The following ZDHHC2 variants were observed in gnomAD, a reference collection of about 807,000 sequenced individuals.
The protein encoded by ZDHHC2 is palmitoyltransferase ZDHHC2.
In ZDHHC2, 51 loss-of-function variants were observed where a neutral mutation model predicts 55.6. The ratio of observed to expected loss-of-function variants is 0.92; its 90% CI spans 0.73 to 1.16. ZDHHC2 has a LOEUF of 1.16. Ranked by LOEUF, ZDHHC2 falls within the 50% of genes most tolerant of loss-of-function variation. ZDHHC2 has a pLI of 0.00. For synonymous variants in ZDHHC2, 199 were observed against 152.9 expected (o/e 1.30, Z -2.22); for missense variants, 491 against 442.4 (o/e 1.11, Z -0.99).
chr8:17,215,905 GA>G (rs1157361014), intron 11 of ZDHHC2, among the ~76,000 whole-genome samples: 1 of 152,152 alleles, frequency 6.6e-6, no homozygotes, highest in Non-Finnish European at 1.5e-5. Context: ...GCAAGGCTCC[GA>G]AGTCAGACCT....
chr8:17,210,130 G>A (rs1807303832), intron 9 of ZDHHC2, 72 bp downstream of exon 9: 5 of 1,494,322 alleles, frequency 3.3e-6, no homozygotes, highest in Non-Finnish European at 3.6e-6. Flanking sequence ...TTCAGGAAAA[G>A]CCTCTAGTTC....
chr8:17,203,809 CTTT>C (rs3041019), intron 6 of ZDHHC2, among the ~76,000 whole-genome samples: 66,129 of 129,920 alleles, frequency 0.51, 15,816 homozygotes, highest in Middle Eastern at 0.64. Context: ...TCTTTTTTTT[CTTT>C]TTTTTTTTTT....
intron 1 of ZDHHC2, among the ~76,000 whole-genome samples, chr8:17,179,573 T>TA (rs199891625): frequency 1.0e-4 from 15 of 148,348 alleles, no homozygotes; most frequent in Middle Eastern, 3.4e-3. Context: ...CACACCCAGC[T>TA]AAAAAAAAAA....
chr8:17,205,718 G>C lies in ZDHHC2; in HGVS notation c.540G>C (p.Leu180=). The C allele has an allele frequency of 6.2e-7, 1 of 1,610,278 alleles. No homozygotes were observed. ...KFFLLFLAYS[L]LYCLFIAATD... ...TTCTCCTTTTCTTGGCTTATTCTCT[G>C]CTCTACTGCCTTTTTATTGCGGCAA... The change falls in exon 7 of 13, where the codon CTG becomes CTC. Residue 180 remains leucine (L), a synonymous_variant. Coordinates refer to ENST00000262096, the MANE Select transcript of ZDHHC2 (RefSeq NM_016353.5).
At chr8:17,166,912 C>T (rs1344557141) in intron 1 of ZDHHC2, among the ~76,000 whole-genome samples, 3 of 152,042 alleles carry the variant, frequency 2.0e-5, no homozygotes, top group Non-Finnish European at 2.9e-5. Flanking sequence ...AAAAGAATCT[C>T]GTATACCAGT....
intron 1 of ZDHHC2, among the ~76,000 whole-genome samples, chr8:17,175,727 CAG>C (rs60709610): frequency 0.14 from 21,354 of 152,062 alleles, 1,949 homozygotes; most frequent in Admixed American, 0.28. Flanking sequence ...ATTCAAACCT[CAG>C]TGAGGGTCAT....
At chr8:17,179,393 T>G (rs1355811110) in intron 1 of ZDHHC2, among the ~76,000 whole-genome samples, 2 of 152,192 alleles carry the variant, frequency 1.3e-5, no homozygotes, top group Non-Finnish European at 2.9e-5. Flanking sequence ...AGTTCTTTTT[T>G]TGTTTTCTTT....
In ZDHHC2 at chr8:17,184,795, T is replaced by C. The variant is rs1322744629; in HGVS notation, c.137T>C (p.Met46Thr). The C allele has an allele frequency of 1.3e-6, 2 of 1,550,728 alleles. No homozygotes were observed. Among genetic ancestry groups the C allele is most frequent in the East Asian group, 4.9e-5 (2 of 41,176 alleles). Residue 46 changes from methionine to threonine, a missense_variant, in exon 2 of 13, where the codon ATG (methionine) becomes ACG (threonine). Met to Thr is a moderately conservative substitution (Grantham distance 81). Coordinates refer to ENST00000262096, the MANE Select transcript of ZDHHC2 (RefSeq NM_016353.5). The stretch of plus-strand genomic sequence containing the variant: ...CCTTTTTTTCTCTTTACAGTGTCCA[T>C]GGAAAACACTGGCGAACAAGGTAAG... Reference protein sequence around the residue: ...AYAIQLCIVSMENTGEQVVCL... With the variant: ...AYAIQLCIVSTENTGEQVVCL...
chr8:17,161,321 A>G (rs965336404), intron 1 of ZDHHC2, among the ~76,000 whole-genome samples: 21 of 152,190 alleles, frequency 1.4e-4, no homozygotes, highest in African/African-American at 5.1e-4. Context: ...GATATTCCTG[A>G]TACTTAAACT....
chr8:17,202,197 C>T (rs1806819567), intron 6 of ZDHHC2, among the ~76,000 whole-genome samples: 1 of 152,180 alleles, frequency 6.6e-6, no homozygotes, highest in Admixed American at 6.5e-5. Flanking sequence ...ATACTTTTAA[C>T]AGCGACAGAA....
intron 1 of ZDHHC2, among the ~76,000 whole-genome samples, chr8:17,166,992 T>G (rs1230432047): frequency 1.3e-5 from 2 of 152,226 alleles, no homozygotes; most frequent in Non-Finnish European, 2.9e-5. Flanking sequence ...TAGGCAAGCT[T>G]AACTTTTCTT....
chr8:17,160,183 T>G (rs763225728), intron 1 of ZDHHC2, among the ~76,000 whole-genome samples: 2 of 152,262 alleles, frequency 1.3e-5, no homozygotes, highest in East Asian at 3.8e-4. Flanking sequence ...TGCTAACATT[T>G]AAATTGTTTT....
chr8:17,157,084 C>T (rs1322355975), intron 1 of ZDHHC2, among the ~76,000 whole-genome samples: 1 of 152,080 alleles, frequency 6.6e-6, no homozygotes, highest in Non-Finnish European at 1.5e-5. Context: ...CTCCGCCCCG[C>T]ACTCGCCGCC....
chr8:17,213,757 T>C (rs1807500668), intron 10 of ZDHHC2, among the ~76,000 whole-genome samples: 1 of 152,208 alleles, frequency 6.6e-6, no homozygotes, highest in South Asian at 2.1e-4. Flanking sequence ...GTAATGAATC[T>C]TCAGAGTCCC....
chr8:17,163,485 C>A (rs1233824080), intron 1 of ZDHHC2, among the ~76,000 whole-genome samples: 1 of 152,140 alleles, frequency 6.6e-6, no homozygotes, highest in Middle Eastern at 3.2e-3. Flanking sequence ...TGAAATGGTC[C>A]TCATTGATTT....
At position 17,221,979 on chromosome 8, in the gene ZDHHC2, T is replaced by TG. The variant is rs1807936446; in HGVS notation, c.*1759dup. On this transcript the variant is annotated 3_prime_UTR_variant, in exon 13 of 13. Transcript: ENST00000262096. ...ATTAAGAATTATATGAAGTCAGGTTTGTTTTTTTTTTTTTTTTTTTTTCAA... is the reference window on the plus strand; with the variant it reads ...ATTAAGAATTATATGAAGTCAGGTTTGGTTTTTTTTTTTTTTTTTTTTTCAA... The TG allele has an allele frequency of 8.7e-6, 1 of 115,414 alleles. No individual in the cohort carries two copies. The highest frequency in any genetic ancestry group is 1.9e-5 in the Non-Finnish European group (1 of 52,548). 7.1% of individuals were successfully genotyped at this position (115,414 alleles called of 1,614,324 possible).
At position 17,207,961 on chromosome 8, in the gene ZDHHC2, A is replaced by C. The variant is rs777889814; in HGVS notation, c.599A>C (p.Asn200Thr). Residue 200 changes from asparagine to threonine, a missense_variant and splice_region_variant, in exon 8 of 13, where the codon AAT becomes ACT. Coordinates refer to ENST00000262096, the MANE Select transcript of ZDHHC2 (RefSeq NM_016353.5). ...GTTATTTTCTTCCTTTCTTTATAGAATGGCCTACCTGATACTCAAGCCAAG... is the reference window on the plus strand; with the variant it reads ...GTTATTTTCTTCCTTTCTTTATAGACTGGCCTACCTGATACTCAAGCCAAG... ...DLQYFIKFWTNGLPDTQAKFH... is the reference protein window; with the variant it reads ...DLQYFIKFWTTGLPDTQAKFH... The C allele has an allele frequency of 2.6e-6, 4 of 1,523,576 alleles. No homozygotes were observed. In the South Asian group the frequency reaches 5.4e-5, roughly 21 times the overall value. The allele number at this position is 1,523,576 out of a possible 1,614,324, so 94.4% of individuals were successfully genotyped here.
At chr8:17,201,363 G>T in intron 6 of ZDHHC2, among the ~76,000 whole-genome samples, 1 of 150,430 alleles carries the variant, frequency 6.6e-6, no homozygotes. Context: ...GTTTCCGTAT[G>T]AATATATAAA....
Position 17,208,105 on chromosome 8 carries a change from T to A in ZDHHC2, c.730+13T>A. ...AAATCTACATTAGGTGAGTATCCAA[T>A]TATTGTAGTTGACAGAACTTTAAAT... On this transcript the variant is annotated intron_variant, in intron 8 of 12. Coordinates refer to ENST00000262096, the MANE Select transcript of ZDHHC2 (RefSeq NM_016353.5). 1 of 1,545,492 alleles carries A rather than the reference T, an allele frequency of 6.5e-7. No homozygotes were observed. The highest frequency in any genetic ancestry group is 8.7e-7 in the Non-Finnish European group (1 of 1,143,008).
Sources: gnomAD v4.1 joint callset for allele counts (sites outside exome capture counted in the v4.1 genomes callset) on GRCh38, gnomAD v4.1.1 for gene constraint, MANE v1.5 for transcripts, NCBI Gene and HGNC (gene_info 2026-07-23, HGNC 2026-07-21) for gene names.